DPYD: variants seen among roughly 807,000 people sequenced by gnomAD.
The protein encoded by DPYD is dihydropyrimidine dehydrogenase.
DPYD carries 109 observed loss-of-function variants against 116.2 expected under a neutral mutation model. The ratio of observed to expected loss-of-function variants is 0.94; its 90% CI spans 0.80 to 1.10. DPYD has a LOEUF of 1.10. Among genes scored for constraint, DPYD ranks in the 50% least tolerant of loss-of-function variants. DPYD has a pLI of 0.00. For missense variants in DPYD, 1,302 were observed against 1,254.5 expected (o/e 1.04, Z -0.57); for synonymous variants, 440 against 432.0 (o/e 1.02, Z -0.23).
intron 5 of DPYD, among the ~76,000 whole-genome samples, chr1:97,710,174 C>A (rs1387001091): frequency 6.6e-6 from 1 of 151,766 alleles, no homozygotes; most frequent in Non-Finnish European, 1.5e-5. Context: ...TTGCTCGTTT[C>A]AGTTTCTTGA....
intron 3 of DPYD, among the ~76,000 whole-genome samples, chr1:97,803,671 A>G (rs574762766): frequency 2.0e-4 from 31 of 151,962 alleles, no homozygotes; most frequent in African/African-American, 7.2e-4. Flanking sequence ...AAAGACTACA[A>G]AGTTCCCCTT....
At chr1:97,347,095 CTCTT>C (rs1558045514) in intron 16 of DPYD, among the ~76,000 whole-genome samples, 1 of 151,376 alleles carries the variant, frequency 6.6e-6, no homozygotes, top group African/African-American at 2.4e-5. Flanking sequence ...CATTTTTTAT[CTCTT>C]TATTTTAAAT....
At chr1:97,142,381 T>C (rs917079110) in intron 20 of DPYD, among the ~76,000 whole-genome samples, 2 of 152,094 alleles carry the variant, frequency 1.3e-5, no homozygotes, top group African/African-American at 4.8e-5. Flanking sequence ...AAAAAGAAAC[T>C]AGTTTCCTTC....
At chr1:97,818,897 C>T (rs1055818885) in intron 3 of DPYD, among the ~76,000 whole-genome samples, 5 of 151,858 alleles carry the variant, frequency 3.3e-5, no homozygotes, top group Non-Finnish European at 5.9e-5. Flanking sequence ...TGTATAAAGA[C>T]ATATACATAC....
chr1:97,628,562 T>C (rs1657071818), intron 8 of DPYD, among the ~76,000 whole-genome samples: 1 of 152,116 alleles, frequency 6.6e-6, no homozygotes, highest in Non-Finnish European at 1.5e-5. Context: ...AACAGTTGAT[T>C]ATAGAAAATT....
At chr1:97,346,468 C>T (rs182163593) in intron 16 of DPYD, among the ~76,000 whole-genome samples, 1 of 151,612 alleles carries the variant, frequency 6.6e-6, no homozygotes, top group Non-Finnish European at 1.5e-5. Context: ...TATATCTTGT[C>T]TTTTCGTTTT....
intron 8 of DPYD, among the ~76,000 whole-genome samples, chr1:97,615,169 A>G (rs1256037742): frequency 6.6e-6 from 1 of 152,158 alleles, no homozygotes; most frequent in African/African-American, 2.4e-5. Context: ...AAACCCATAT[A>G]TCCAGTTGTC....
At chr1:97,301,612 G>A (rs1481701069) in intron 18 of DPYD, among the ~76,000 whole-genome samples, 1 of 151,842 alleles carries the variant, frequency 6.6e-6, no homozygotes, top group Non-Finnish European at 1.5e-5. Flanking sequence ...AAAACACAAG[G>A]AACAACAACG....
chr1:97,706,006 C>T (rs919701796), intron 5 of DPYD, among the ~76,000 whole-genome samples: 2 of 151,606 alleles, frequency 1.3e-5, no homozygotes, highest in Admixed American at 6.6e-5. Flanking sequence ...TGTTTTTTAA[C>T]GATTACATTT....
At chr1:97,749,193 G>C (rs560173351) in intron 3 of DPYD, among the ~76,000 whole-genome samples, 1 of 152,134 alleles carries the variant, frequency 6.6e-6, no homozygotes, top group African/African-American at 2.4e-5. Context: ...TGACAAAATA[G>C]GCTATCCATG....
intron 21 of DPYD, chr1:97,095,926 T>C (rs766319129): frequency 5.9e-5 from 9 of 152,096 alleles, no homozygotes; most frequent in African/African-American, 1.9e-4. Flanking sequence ...CCACCAGACA[T>C]TGAGAAAATC....
At chr1:97,469,963 T>A (rs923583253) in intron 13 of DPYD, among the ~76,000 whole-genome samples, 2 of 152,184 alleles carry the variant, frequency 1.3e-5, no homozygotes, top group Non-Finnish European at 1.5e-5. Flanking sequence ...TTTTCATCGT[T>A]CTTGCAAATA....
chr1:97,139,662 G>A lies in DPYD; in HGVS notation c.2623-41030C>T, dbSNP rs145566534. 7.9e-4 allele frequency among the ~76,000 whole-genome samples: 120 copies of A among 152,236 alleles called. No homozygotes were observed. The East Asian group carries it at 0.019, about 24-fold the overall frequency. Reference sequence around the variant, plus strand: ...TATGTTTACGAACAACAGATTAAAGGCAAAGGCAGCATTATTGTAATAGGA... The same window carrying A: ...TATGTTTACGAACAACAGATTAAAGACAAAGGCAGCATTATTGTAATAGGA... On this transcript the variant is annotated intron_variant, in intron 20 of 22. Coordinates refer to ENST00000370192, the MANE Select transcript of DPYD (RefSeq NM_000110.4).
chr1:97,814,121 G>A (rs1408112939), intron 3 of DPYD, among the ~76,000 whole-genome samples: 1 of 152,088 alleles, frequency 6.6e-6, no homozygotes, highest in East Asian at 1.9e-4. Flanking sequence ...TGACACTGAA[G>A]CTGAGAGCTG....
intron 18 of DPYD, among the ~76,000 whole-genome samples, chr1:97,302,672 T>C (rs1386505228): frequency 6.6e-6 from 1 of 151,972 alleles, no homozygotes; most frequent in African/African-American, 2.4e-5. Flanking sequence ...ACTCTCAAAA[T>C]ATTTTGAAGT....
chr1:97,583,209 T>G (rs1653820453), intron 10 of DPYD, among the ~76,000 whole-genome samples: 1 of 152,186 alleles, frequency 6.6e-6, no homozygotes, highest in Admixed American at 6.5e-5. Flanking sequence ...GACCTCGTGA[T>G]CCACCCGCCC....
At chr1:97,885,569 G>T (rs1672442198) in intron 1 of DPYD, among the ~76,000 whole-genome samples, 1 of 151,978 alleles carries the variant, frequency 6.6e-6, no homozygotes, top group South Asian at 2.1e-4. Flanking sequence ...GATTTAAAGT[G>T]GTAATAACAA....
intron 5 of DPYD, among the ~76,000 whole-genome samples, chr1:97,708,027 G>A (rs1662079167): frequency 6.6e-6 from 1 of 151,840 alleles, no homozygotes. Context: ...GTTTTGAGAT[G>A]AGAGTCTCAC....
intron 8 of DPYD, among the ~76,000 whole-genome samples, chr1:97,632,544 C>A (rs893086618): frequency 6.6e-6 from 1 of 152,080 alleles, no homozygotes; most frequent in Non-Finnish European, 1.5e-5. Flanking sequence ...AATACATTTA[C>A]AAAATCTGTC....
Sources: allele counts gnomAD v4.1 joint callset (sites outside exome capture counted in the v4.1 genomes callset), GRCh38; gene constraint gnomAD v4.1.1; transcripts MANE v1.5; gene names NCBI Gene and HGNC (gene_info 2026-07-23, HGNC 2026-07-21).